FBXO17: variants seen among roughly 807,000 people sequenced by gnomAD.
FBXO17 encodes the protein F-box protein 17.
A neutral mutation model predicts 34.1 loss-of-function variants in FBXO17; 43 were observed. The observed-to-expected ratio is 1.26, with a 90% CI of 0.99 to 1.62. The LOEUF is 1.62. FBXO17 is among the 40% of genes most tolerant of loss of function. FBXO17 has a pLI of 0.00. For synonymous variants in FBXO17, 169 were observed against 166.0 expected, an observed-to-expected ratio of 1.02 and a Z score of -0.14; for missense variants, 424 against 386.7, an observed-to-expected ratio of 1.10 and a Z score of -0.81.
intron 1 of FBXO17, among the ~76,000 whole-genome samples, chr19:38,956,130 G>T (rs1388325933): frequency 1.3e-5 from 2 of 151,912 alleles, no homozygotes; most frequent in East Asian, 3.9e-4. Flanking sequence ...GCGGAGCGTG[G>T]TGGTGGGCAC....
Position 38,975,003 on chromosome 19 carries a change from T to C in FBXO17, c.-18+583A>G, listed in dbSNP as rs1411055141. Among the ~76,000 whole-genome samples the C allele has an allele frequency of 2.0e-5, 3 of 152,216 alleles. No homozygotes were observed. Among genetic ancestry groups the C allele is most frequent in the Admixed American group, 1.3e-4 (2 of 15,272 alleles). ...TGGAGTAAATAGACGCTGTCTAAAG[T>C]TGAAGAGGCAGTATACAGAGCTTTC... On this transcript the variant is annotated intron_variant, in intron 1 of 5. Transcript: ENST00000292852. This position sits in a 1 kb window ranked among gnomAD's most constrained non-coding sequence, Gnocchi z 4.9.
intron 2 of FBXO17, 71 bp downstream of exon 2, chr19:38,949,900 T>C: frequency 6.9e-7 from 1 of 1,444,416 alleles, no homozygotes; most frequent in Non-Finnish European, 9.1e-7. Flanking sequence ...TCTCAGACTC[T>C]GTCCCGGCCC....
At chr19:38,970,620 C>G (rs1222958648) in intron 1 of FBXO17, among the ~76,000 whole-genome samples, 1 of 152,084 alleles carries the variant, frequency 6.6e-6, no homozygotes, top group African/African-American at 2.4e-5. Context: ...ACAGTTTTTC[C>G]CAGACCCATT....
At chr19:38,972,149 C>T (rs1975398208) in intron 1 of FBXO17, among the ~76,000 whole-genome samples, 1 of 152,134 alleles carries the variant, frequency 6.6e-6, no homozygotes, top group Non-Finnish European at 1.5e-5. Flanking sequence ...GGGGCAGCCT[C>T]CATTTTACAA....
At chr19:38,962,337 C>T (rs1002173181) in intron 1 of FBXO17, among the ~76,000 whole-genome samples, 8 of 152,172 alleles carry the variant, frequency 5.3e-5, no homozygotes, top group Non-Finnish European at 8.8e-5. Flanking sequence ...CTTCCAGTTT[C>T]CAGACTTGGC....
At chr19:38,962,649 G>A (rs193054443) in intron 1 of FBXO17, among the ~76,000 whole-genome samples, 17 of 152,166 alleles carry the variant, frequency 1.1e-4, no homozygotes, top group Admixed American at 9.2e-4. Context: ...CATCTTTCTC[G>A]GGCTATCTTA....
chr19:38,951,608 G>T (rs1975084603), intron 1 of FBXO17, among the ~76,000 whole-genome samples: 1 of 149,888 alleles, frequency 6.7e-6, no homozygotes, highest in African/African-American at 2.5e-5. Context: ...AAATAAACTT[G>T]CTTTTCCTCC....
rs1382359566 is a variant in FBXO17 at position 38,950,014 on chromosome 19, G to T, written c.306C>A (p.Arg102=). The change falls in exon 2 of 6, where the codon CGC becomes CGA. Residue 102 remains arginine, a synonymous_variant. Coordinates refer to ENST00000292852, the MANE Select transcript of FBXO17 (RefSeq NM_024907.7). ...PLCALARYCL[R]APFGRNLIFN... The stretch of plus-strand genomic sequence containing the variant: ...AGATGAGATTGCGGCCGAAGGGCGC[G>T]CGCAGACAGTAGCGCGCCAGGGCGC... The T allele has an allele frequency of 1.9e-6, 3 of 1,559,568 alleles. No individual in the cohort carries two copies. Among genetic ancestry groups the T allele is most frequent in the Non-Finnish European group, 2.6e-6 (3 of 1,153,610 alleles).
chr19:38,942,469 C>T lies in FBXO17; in HGVS notation c.*139G>A. On this transcript the variant is annotated 3_prime_UTR_variant, in exon 6 of 6. Coordinates refer to ENST00000292852, the MANE Select transcript of FBXO17 (RefSeq NM_024907.7). ...TGTGGAGACGGTTTCACTATGTTGC[C>T]CAGGCTGGTCTTGAACTCCCGAGCT... 1.2e-6 allele frequency: 1 copy of T among 869,290 alleles called. No individual in the cohort carries two copies. The highest frequency in any genetic ancestry group is 1.6e-6 in the Non-Finnish European group (1 of 618,358). The allele number at this position is 869,290 out of a possible 1,614,324, so 53.8% of individuals were successfully genotyped here. A position where few individuals can be genotyped will look rare whatever the true frequency, so the allele number is the denominator to read the frequency against.
chr19:38,942,618 C>G lies in FBXO17; in HGVS notation c.827G>C (p.Arg276Pro), dbSNP rs376613085. 1.3e-6 allele frequency: 2 copies of G among 1,576,292 alleles called. No individual in the cohort carries two copies. The highest frequency in any genetic ancestry group is 1.4e-5 in the African/African-American group (1 of 72,038). ...VTHSSVRVRI[R>P]LS is the part of the protein sequence containing the mutation. Reference sequence around the variant, plus strand: ...GCAGTAGTCCAGTCGCTAGGACAGACGGATCCTGACCCTCACACTGGAGTG... The same window carrying G: ...GCAGTAGTCCAGTCGCTAGGACAGAGGGATCCTGACCCTCACACTGGAGTG... The change falls in exon 6 of 6, where the codon CGT becomes CCT. Residue 276 changes from arginine to proline, a missense_variant. Coordinates refer to ENST00000292852, the MANE Select transcript of FBXO17 (RefSeq NM_024907.7).
At chr19:38,970,844 T>C (rs1471192227) in intron 1 of FBXO17, among the ~76,000 whole-genome samples, 1 of 152,134 alleles carries the variant, frequency 6.6e-6, no homozygotes, top group Non-Finnish European at 1.5e-5. Context: ...CTCACGCCTA[T>C]AATCCCAGCA....
intron 1 of FBXO17, among the ~76,000 whole-genome samples, chr19:38,973,713 C>T (rs1052557014): frequency 6.6e-6 from 1 of 151,974 alleles, no homozygotes; most frequent in Admixed American, 6.6e-5. Flanking sequence ...GCCGGTGGCT[C>T]ACACCTGTAA....
intron 1 of FBXO17, among the ~76,000 whole-genome samples, chr19:38,971,820 C>G (rs1975394636): frequency 6.6e-6 from 1 of 152,000 alleles, no homozygotes; most frequent in East Asian, 1.9e-4. Context: ...GAAAAAGGGC[C>G]CAGCTGCAGC....
chr19:38,952,321 G>A (rs1298590156), intron 1 of FBXO17, among the ~76,000 whole-genome samples: 1 of 152,214 alleles, frequency 6.6e-6, no homozygotes, highest in Non-Finnish European at 1.5e-5. Flanking sequence ...CACTGCGGAA[G>A]AAACCATTTC....
chr19:38,962,884 C>T (rs1975272207), intron 1 of FBXO17, among the ~76,000 whole-genome samples: 1 of 151,772 alleles, frequency 6.6e-6, no homozygotes, highest in East Asian at 1.9e-4. Flanking sequence ...CGCCCAGCTA[C>T]TTTTTGTAGT....
At chr19:38,945,135 C>T (rs886239714) in intron 4 of FBXO17, 31 bp from the exon 5 acceptor site, 13 of 1,612,070 alleles carry the variant, frequency 8.1e-6, no homozygotes, top group African/African-American at 6.7e-5. Flanking sequence ...TCTATGCCCC[C>T]GTCACCCAGC....
intron 1 of FBXO17, among the ~76,000 whole-genome samples, chr19:38,972,220 G>A (rs1176410493): frequency 1.3e-5 from 2 of 152,016 alleles, no homozygotes. Flanking sequence ...CTGGGACCAA[G>A]GGAAAAGAAT....
rs1257885066 is a variant in FBXO17 at position 38,945,081 on chromosome 19, C to T, written c.581G>A (p.Gly194Asp). The change falls in exon 5 of 6, where the codon GGC (glycine) becomes GAC (aspartate). Residue 194 changes from glycine (G) to aspartate (D), a missense_variant. Physicochemically the swap from Gly to Asp is moderately conservative, Grantham distance 94. Coordinates refer to ENST00000292852, the MANE Select transcript of FBXO17 (RefSeq NM_024907.7). ...GCGGACCCGGAGCTGGTAGACGCAG[C>T]CGCAGTTCTCTCGAGCGCCCCACCT... The part of the protein sequence containing the change: ...ADWWGARENC[G>D]CVYQLRVRLL... 8 of 1,614,080 alleles carry T rather than the reference C, an allele frequency of 5.0e-6. No homozygotes were observed. The highest frequency in any genetic ancestry group is 6.8e-6 in the Non-Finnish European group (8 of 1,180,050).
In FBXO17 at chr19:38,946,082, T is replaced by C. The variant is rs1039015234; in HGVS notation, c.557+390A>G. ...GAAGAAGGCATTCATCCTAAGCCTG[T>C]AGGCTCTGAAGCCAGTCCTGTCCCA... On this transcript the variant is annotated intron_variant, in intron 4 of 5. Coordinates refer to ENST00000292852, the MANE Select transcript of FBXO17 (RefSeq NM_024907.7). The C allele has an allele frequency of 3.2e-5, 8 of 251,388 alleles. No homozygotes were observed. The South Asian group carries it at 4.8e-4, about 15-fold the overall frequency. 15.6% of individuals were successfully genotyped at this position (251,388 alleles called of 1,614,324 possible).
Sources: allele counts gnomAD v4.1 joint callset (sites outside exome capture counted in the v4.1 genomes callset), GRCh38; gene constraint gnomAD v4.1.1; non-coding constraint Gnocchi (gnomAD v3.1); transcripts MANE v1.5; gene names NCBI Gene and HGNC (gene_info 2026-07-23, HGNC 2026-07-21).